Variants in NFIB observed in about 807,000 individuals in gnomAD.
NFIB encodes the protein nuclear factor 1 B-type.
Under a neutral mutation model 61.5 loss-of-function variants are expected in NFIB, and 11 were observed. That is an observed-to-expected ratio of 0.18 (90% confidence interval 0.11 to 0.30). The LOEUF is 0.30. Among genes scored for constraint, NFIB ranks in the 10% least tolerant of loss-of-function variants. NFIB has a pLI of 1.00. For synonymous variants in NFIB, 260 were observed against 216.5 expected (o/e 1.20, Z -1.76); for missense variants, 471 against 608.9 (o/e 0.77, Z 2.38).
At chr9:14,520,275 C>T in the NFIB span, among the ~76,000 whole-genome samples, 1 of 152,104 alleles carries the variant, frequency 6.6e-6, no homozygotes, top group Non-Finnish European at 1.5e-5. Flanking sequence ...CACATTTTTT[C>T]CCTGAAACTT....
At chr9:14,283,809 G>T (rs754409149) in intron 2 of NFIB, among the ~76,000 whole-genome samples, 7 of 152,212 alleles carry the variant, frequency 4.6e-5, no homozygotes, top group Non-Finnish European at 7.3e-5. Flanking sequence ...AGGACAAACA[G>T]ATGCACATCT....
chr9:14,193,984 T>C (rs1183515024), intron 2 of NFIB, among the ~76,000 whole-genome samples: 1 of 151,914 alleles, frequency 6.6e-6, no homozygotes, highest in Non-Finnish European at 1.5e-5. Context: ...ACCCCCAAGA[T>C]TTATTTTATG....
At chr9:14,259,915 C>T (rs117675609) in intron 2 of NFIB, among the ~76,000 whole-genome samples, 3 of 152,126 alleles carry the variant, frequency 2.0e-5, no homozygotes, top group East Asian at 1.9e-4. Flanking sequence ...AAAAACAAAA[C>T]GAAACGAAAC....
At chr9:14,259,368 C>A (rs555948362) in intron 2 of NFIB, among the ~76,000 whole-genome samples, 7 of 152,256 alleles carry the variant, frequency 4.6e-5, no homozygotes, top group African/African-American at 1.4e-4. Context: ...TATCTCTGGA[C>A]AAATCTTTCA....
At chr9:14,323,253 G>A (rs1243469427) in intron 1 of NFIB, among the ~76,000 whole-genome samples, 1 of 152,320 alleles carries the variant, frequency 6.6e-6, no homozygotes, top group East Asian at 1.9e-4. Context: ...ACACCAAAGA[G>A]ATAATACAAC....
chr9:14,506,954 A>C, the NFIB span, among the ~76,000 whole-genome samples: 1 of 152,240 alleles, frequency 6.6e-6, no homozygotes, highest in Non-Finnish European at 1.5e-5. Context: ...TTTTAAATAC[A>C]GACTGTGGGT....
chr9:14,192,731 T>G (rs10961412), intron 2 of NFIB, among the ~76,000 whole-genome samples: 61,746 of 151,946 alleles, frequency 0.41, 15,677 homozygotes, highest in Non-Finnish European at 0.57. Flanking sequence ...CAGCTCCAGC[T>G]CAATTTGTGT....
chr9:14,331,853 A>G (rs975413505), intron 1 of NFIB, among the ~76,000 whole-genome samples: 2 of 152,364 alleles, frequency 1.3e-5, no homozygotes, highest in East Asian at 3.9e-4. Context: ...TTTCTGAAAC[A>G]TAGTCCTTTC....
At chr9:14,255,479 G>C (rs1486429482) in intron 2 of NFIB, among the ~76,000 whole-genome samples, 1 of 152,142 alleles carries the variant, frequency 6.6e-6, no homozygotes, top group Non-Finnish European at 1.5e-5. Context: ...GTCAATGACT[G>C]AGGGGATGAT....
intron 2 of NFIB, among the ~76,000 whole-genome samples, chr9:14,275,367 C>G (rs1230130560): frequency 6.6e-6 from 1 of 152,128 alleles, no homozygotes; most frequent in Non-Finnish European, 1.5e-5. Context: ...GAATTCATAT[C>G]AGTTCTGGGA....
chr9:14,354,143 GA>G (rs2061148645), intron 1 of NFIB, among the ~76,000 whole-genome samples: 2 of 152,090 alleles, frequency 1.3e-5, no homozygotes, highest in Admixed American at 1.3e-4. Context: ...TTGCAAATTT[GA>G]CATTATTTTT....
At chr9:14,390,047 C>T (rs946711450) in intron 1 of NFIB, among the ~76,000 whole-genome samples, 4 of 152,104 alleles carry the variant, frequency 2.6e-5, no homozygotes, top group Admixed American at 2.6e-4. Flanking sequence ...TTAAACCCTA[C>T]CAAAATCTGA....
chr9:14,442,608 G>C, the NFIB span, among the ~76,000 whole-genome samples: 2 of 152,098 alleles, frequency 1.3e-5, no homozygotes, highest in African/African-American at 4.8e-5. Context: ...AGGTTTGCTG[G>C]TAATCTTTGG....
intron 2 of NFIB, among the ~76,000 whole-genome samples, chr9:14,304,817 A>T (rs1419859531): frequency 6.6e-6 from 1 of 152,196 alleles, no homozygotes; most frequent in East Asian, 1.9e-4. Flanking sequence ...TCTTTAATCA[A>T]TTGCACTATA....
rs145272521 is a variant in NFIB, at chr9:14,397,855, A to C, written c.108+669T>G. Among the ~76,000 whole-genome samples, 82 of 152,326 alleles carry C rather than the reference A, an allele frequency of 5.4e-4. 1 individual carries two copies. In the East Asian group the frequency reaches 0.014, roughly 27 times the overall value. ...ATATAATGGGTACGTGCTGCTTTTC[A>C]GAGAACCAAGATAAAACAGAAAAGT... On this transcript the variant is annotated intron_variant, in intron 1 of 8. Transcript: ENST00000380934.
At chr9:14,282,439 A>G (rs2058433568) in intron 2 of NFIB, among the ~76,000 whole-genome samples, 2 of 152,230 alleles carry the variant, frequency 1.3e-5, no homozygotes, top group African/African-American at 2.4e-5. Context: ...GTAACAGTAG[A>G]GATGTGAAAA....
chr9:14,321,824 TA>T, intron 1 of NFIB: 2 of 1,165,896 alleles, frequency 1.7e-6, no homozygotes, highest in Non-Finnish European at 2.2e-6. Context: ...AGGAAAGGGG[TA>T]AAACAGCCAC....
the NFIB span, among the ~76,000 whole-genome samples, chr9:14,406,111 A>C: frequency 1.1e-4 from 16 of 152,282 alleles, no homozygotes; most frequent in African/African-American, 3.6e-4. Flanking sequence ...AAGGAGGAAA[A>C]GGACAAAGAA....
chr9:14,339,637 G>A (rs995959860), intron 1 of NFIB, among the ~76,000 whole-genome samples: 4 of 152,084 alleles, frequency 2.6e-5, no homozygotes, highest in African/African-American at 4.8e-5. Context: ...TAATGAAGAT[G>A]TTAATTAAGA....
Sources: allele counts gnomAD v4.1 joint callset (sites outside exome capture counted in the v4.1 genomes callset), GRCh38; gene constraint gnomAD v4.1.1; transcripts MANE v1.5; gene names NCBI Gene and HGNC (gene_info 2026-07-23, HGNC 2026-07-21).